Variants in ASXL3 observed in about 807,000 individuals in gnomAD.
ASXL3 encodes the protein putative Polycomb group protein ASXL3.
ASXL3 carries 34 observed loss-of-function variants against 170.6 expected under a neutral mutation model. The observed-to-expected ratio is 0.20, with a 90% CI of 0.15 to 0.27. The LOEUF (loss-of-function observed/expected upper bound fraction) is 0.27. Ranked by LOEUF, ASXL3 falls within the 10% of genes least tolerant of loss-of-function variation. The pLI is 1.00. For missense variants in ASXL3, 2,592 were observed against 2,695.3 expected (o/e 0.96, Z 0.85); for synonymous variants, 1,002 against 989.1 (o/e 1.01, Z -0.24).
chr18:33,731,454 T>C (rs1054838817), intron 8 of ASXL3, among the ~76,000 whole-genome samples: 4 of 152,138 alleles, frequency 2.6e-5, no homozygotes, highest in Admixed American at 6.5e-5. Context: ...ACAGTATACC[T>C]TATGCTTTTA....
intron 2 of ASXL3, among the ~76,000 whole-genome samples, chr18:33,628,781 C>T (rs1348865251): frequency 6.6e-6 from 1 of 152,132 alleles, no homozygotes; most frequent in Admixed American, 6.6e-5. Context: ...CTTACCACTG[C>T]TTTTAAGTAT....
intron 2 of ASXL3, among the ~76,000 whole-genome samples, chr18:33,619,390 C>T (rs1568282578): frequency 6.7e-6 from 1 of 149,976 alleles, no homozygotes; most frequent in Non-Finnish European, 1.5e-5. Flanking sequence ...TTGTCAAAGA[C>T]AGGTATGTTG....
intron 1 of ASXL3, among the ~76,000 whole-genome samples, chr18:33,599,221 G>A (rs1413468433): frequency 6.6e-6 from 1 of 152,018 alleles, no homozygotes; most frequent in Non-Finnish European, 1.5e-5. Flanking sequence ...ATTTATTTTT[G>A]ATAGGATTAT....
At chr18:33,667,438 GC>G (rs1445609230) in intron 5 of ASXL3, among the ~76,000 whole-genome samples, 1 of 152,140 alleles carries the variant, frequency 6.6e-6, no homozygotes, top group Non-Finnish European at 1.5e-5. Context: ...AATTTATAAA[GC>G]CTTGGCAACC....
chr18:33,621,459 C>T (rs1003951639), intron 2 of ASXL3, among the ~76,000 whole-genome samples: 1 of 152,140 alleles, frequency 6.6e-6, no homozygotes, highest in Non-Finnish European at 1.5e-5. Context: ...TACTTTTGCA[C>T]CTACCTAATA....
intron 7 of ASXL3, among the ~76,000 whole-genome samples, chr18:33,682,523 C>A (rs1209422148): frequency 6.6e-6 from 1 of 152,106 alleles, no homozygotes; most frequent in Non-Finnish European, 1.5e-5. Context: ...AGCATATTTG[C>A]ATTTCAGACC....
chr18:33,615,324 C>T lies in ASXL3; in HGVS notation c.137+7648C>T, dbSNP rs535882525. Among the ~76,000 whole-genome samples, 41 of 152,084 alleles carry T rather than the reference C, an allele frequency of 2.7e-4. 1 individual carries two copies. The highest frequency in any genetic ancestry group is 8.7e-4 in the African/African-American group (36 of 41,418). ...TTGCTAGCTTCTAACTTTTCTTCTG[C>T]GGCTTCCTTACCTCTCCTAGCCTTC... On this transcript the variant is annotated intron_variant, in intron 2 of 11. Coordinates refer to ENST00000269197, the MANE Select transcript of ASXL3 (RefSeq NM_030632.3).
At chr18:33,720,650 AGTTT>A (rs912019996) in intron 8 of ASXL3, among the ~76,000 whole-genome samples, 5 of 152,216 alleles carry the variant, frequency 3.3e-5, no homozygotes, top group East Asian at 1.9e-4. Context: ...GTCCTCCACA[AGTTT>A]GTTTGTCATG....
chr18:33,664,630 A>G (rs941288426), intron 5 of ASXL3, among the ~76,000 whole-genome samples: 8 of 152,170 alleles, frequency 5.3e-5, no homozygotes, highest in African/African-American at 1.9e-4. Context: ...AAAAAAAATA[A>G]TTTACAACAA....
Position 33,746,236 on chromosome 18 carries a change from C to T in ASXL3, c.6388C>T (p.Pro2130Ser), listed in dbSNP as rs368696743. The change falls in exon 12 of 12, where the codon CCA (proline) becomes TCA (serine). Residue 2130 changes from proline to serine, a missense_variant. Transcript: ENST00000269197. ...TTTCTCTTCCTATTTGCTTTCTGAG[C>T]CACAAAAGCCTTTTACCCAATTAGC... ...ADFSSYLLSE[P>S]QKPFTQLAAQ... The T allele has an allele frequency of 1.1e-5, 18 of 1,613,894 alleles. No individual in the cohort carries two copies. In the African/African-American group the frequency reaches 1.3e-4, roughly 12 times the overall value.
intron 8 of ASXL3, among the ~76,000 whole-genome samples, chr18:33,712,942 C>T (rs937258141): frequency 2.0e-5 from 3 of 152,106 alleles, no homozygotes; most frequent in Non-Finnish European, 2.9e-5. Context: ...GTCCCATCTG[C>T]TGCCAGGCTA....
At chr18:33,679,769 T>A (rs2066485095) in intron 7 of ASXL3, among the ~76,000 whole-genome samples, 1 of 152,104 alleles carries the variant, frequency 6.6e-6, no homozygotes, top group South Asian at 2.1e-4. Flanking sequence ...AATATTTGTA[T>A]TCAATGACAT....
In ASXL3 at chr18:33,739,266, C is replaced by T. The variant is rs368683930; in HGVS notation, c.1862C>T (p.Ala621Val). 3.1e-6 allele frequency: 5 copies of T among 1,613,614 alleles called. No individual in the cohort carries two copies. Among genetic ancestry groups the T allele is most frequent in the Admixed American group, 3.3e-5 (2 of 59,930 alleles). ...TTTTCTTCTGAGAGCCCAGAGGGAGCCTGTACCAGCCTGCCTTCTCCAGGA... is the reference window on the plus strand; with the variant it reads ...TTTTCTTCTGAGAGCCCAGAGGGAGTCTGTACCAGCCTGCCTTCTCCAGGA... The part of the protein sequence containing the change: ...TSFSSESPEG[A>V]CTSLPSPGGE... Residue 621 changes from alanine to valine, a missense_variant, in exon 11 of 12, where the codon GCC becomes GTC. Transcript: ENST00000269197.
intron 4 of ASXL3, among the ~76,000 whole-genome samples, chr18:33,656,129 A>G (rs2066081321): frequency 6.6e-6 from 1 of 152,082 alleles, no homozygotes; most frequent in Non-Finnish European, 1.5e-5. Flanking sequence ...CTCTATTCAG[A>G]TTTTATTGAC....
chr18:33,662,022 G>A (rs1415605448), intron 5 of ASXL3, among the ~76,000 whole-genome samples: 2 of 152,072 alleles, frequency 1.3e-5, no homozygotes. Flanking sequence ...ATTTATAGTA[G>A]TAAATCTGTT....
At chr18:33,583,746 A>G (rs1429272527) in intron 1 of ASXL3, among the ~76,000 whole-genome samples, 1 of 152,138 alleles carries the variant, frequency 6.6e-6, no homozygotes, top group Non-Finnish European at 1.5e-5. Context: ...TGGCTTTTAG[A>G]CTTGTAGAGT....
intron 1 of ASXL3, among the ~76,000 whole-genome samples, chr18:33,604,615 G>A (rs1441412189): frequency 6.6e-6 from 1 of 151,930 alleles, no homozygotes; most frequent in African/African-American, 2.4e-5. Flanking sequence ...AGCCCCCCAA[G>A]GACAGCGTTA....
chr18:33,684,229 A>C (rs2066557032), intron 8 of ASXL3, among the ~76,000 whole-genome samples: 1 of 152,124 alleles, frequency 6.6e-6, no homozygotes, highest in Non-Finnish European at 1.5e-5. Flanking sequence ...AATTTCACAA[A>C]ATTTATTAAG....
At position 33,743,813 on chromosome 18, in the gene ASXL3, A is replaced by T. The variant is rs1358712672; in HGVS notation, c.3965A>T (p.Gln1322Leu). Residue 1322 changes from glutamine to leucine, a missense_variant, in exon 12 of 12, where the codon CAG (glutamine) becomes CTG (leucine). Transcript: ENST00000269197. The stretch of plus-strand genomic sequence containing the variant: ...ATATCAAGCTCCATGGATGATAAGC[A>T]GTTACTAATATCAAGCAGCAGTGCT... Reference protein sequence around the residue: ...SSISSSMDDKQLLISSSSASN... With the variant: ...SSISSSMDDKLLLISSSSASN... 6.2e-7 allele frequency: 1 copy of T among 1,614,044 alleles called. No individual in the cohort carries two copies. The highest frequency in any genetic ancestry group is 8.5e-7 in the Non-Finnish European group (1 of 1,179,902).
Sources: allele counts gnomAD v4.1 joint callset (sites outside exome capture counted in the v4.1 genomes callset), GRCh38; gene constraint gnomAD v4.1.1; transcripts MANE v1.5; gene names NCBI Gene and HGNC (gene_info 2026-07-23, HGNC 2026-07-21).